ZSCAN25: variants seen among roughly 807,000 people sequenced by gnomAD.
ZSCAN25 encodes the protein zinc finger and SCAN domain containing 25.
A neutral mutation model predicts 38.7 loss-of-function variants in ZSCAN25; 27 were observed. The ratio of observed to expected loss-of-function variants is 0.70; its 90% CI spans 0.51 to 0.96. The LOEUF (loss-of-function observed/expected upper bound fraction) is 0.96. Among genes scored for constraint, ZSCAN25 ranks in the 40% least tolerant of loss-of-function variants. ZSCAN25 has a pLI of 0.00. For synonymous variants in ZSCAN25, 273 were observed against 277.7 expected (o/e 0.98, Z 0.17); for missense variants, 637 against 705.9 (o/e 0.90, Z 1.11).
At chr7:99,637,792 T>C in the ZSCAN25 span, among the ~76,000 whole-genome samples, 1 of 152,154 alleles carries the variant, frequency 6.6e-6, no homozygotes, top group African/African-American at 2.4e-5. Context: ...GCAATAATTT[T>C]CAGTTTACTA....
At chr7:99,715,866 A>T in the ZSCAN25 span, 6 of 1,613,890 alleles carry the variant, frequency 3.7e-6, no homozygotes, top group Non-Finnish European at 4.2e-6. Flanking sequence ...ACTCCAAATG[A>T]TGTGCTAGTG....
chr7:99,679,276 T>G, the ZSCAN25 span, among the ~76,000 whole-genome samples: 15 of 152,196 alleles, frequency 9.9e-5, no homozygotes, highest in African/African-American at 3.6e-4. Flanking sequence ...AGGGGACAGC[T>G]TCCCATGAAG....
chr7:99,679,727 G>T, the ZSCAN25 span: 1 of 1,155,644 alleles, frequency 8.7e-7, no homozygotes, highest in Middle Eastern at 2.6e-4. Flanking sequence ...ACTTCTCCTT[G>T]AACATCTCTT....
chr7:99,711,007 C>T, the ZSCAN25 span: 1 of 1,545,228 alleles, frequency 6.5e-7, no homozygotes, highest in Non-Finnish European at 8.8e-7. Flanking sequence ...AATAGAAAAG[C>T]AATTCAGAGT....
intron 5 of ZSCAN25, chr7:99,622,174 C>T (rs59293526): frequency 0.018 from 4,709 of 260,164 alleles, 222 homozygotes; most frequent in African/African-American, 0.1. Context: ...ATCTGTCCAC[C>T]TCAGCCTCCC....
the ZSCAN25 span, chr7:99,720,631 A>G: frequency 2.0e-6 from 1 of 492,270 alleles, no homozygotes; most frequent in Non-Finnish European, 3.7e-6. Flanking sequence ...TGGGCCAAAC[A>G]GGGAAGAGAG....
the ZSCAN25 span, among the ~76,000 whole-genome samples, chr7:99,728,927 G>A: frequency 3.9e-5 from 6 of 152,232 alleles, no homozygotes; most frequent in South Asian, 4.1e-4. Flanking sequence ...AGCCCTAGTC[G>A]TCCTCCAACA....
At chr7:99,636,425 A>G (rs544858212), downstream of ZSCAN25, among the ~76,000 whole-genome samples, 1 of 152,322 alleles carries the variant, frequency 6.6e-6, no homozygotes, top group African/African-American at 2.4e-5. Flanking sequence ...GTTTGTCAAG[A>G]GTTTTACTTT....
At chr7:99,676,455 TGA>T in the ZSCAN25 span, 1 of 1,442,276 alleles carries the variant, frequency 6.9e-7, no homozygotes, top group Non-Finnish European at 9.3e-7. Flanking sequence ...AATCCTGGAG[TGA>T]ATACTTGATA....
the ZSCAN25 span, among the ~76,000 whole-genome samples, chr7:99,641,195 C>G: frequency 6.6e-6 from 1 of 152,138 alleles, no homozygotes; most frequent in Non-Finnish European, 1.5e-5. Context: ...TTAATTGACT[C>G]AGTTCCTCAG....
the ZSCAN25 span, chr7:99,663,420 T>TA: frequency 7.1e-6 from 7 of 990,526 alleles, no homozygotes; most frequent in Admixed American, 1.2e-4. Flanking sequence ...GGCTGGCCTC[T>TA]AGGGCTCGTG....
chr7:99,725,882 C>T, the ZSCAN25 span, among the ~76,000 whole-genome samples: 1 of 152,186 alleles, frequency 6.6e-6, no homozygotes. Flanking sequence ...TTTTCAAGGG[C>T]CTGCTTCCCT....
At chr7:99,663,114 C>A in the ZSCAN25 span, 1 of 1,244,878 alleles carries the variant, frequency 8.0e-7, no homozygotes. Flanking sequence ...GCTTTTTCGC[C>A]TTTGCCCTCC....
chr7:99,714,262 A>G, the ZSCAN25 span, among the ~76,000 whole-genome samples: 2 of 152,220 alleles, frequency 1.3e-5, no homozygotes, highest in South Asian at 4.1e-4. Context: ...TTGACAATTT[A>G]TTGAAGGGAA....
At chr7:99,672,973 C>T in the ZSCAN25 span, 24 of 1,027,658 alleles carry the variant, frequency 2.3e-5, no homozygotes, top group East Asian at 9.9e-5. Context: ...GTAGAGCATT[C>T]GTTAAGCTGG....
At chr7:99,675,305 A>G in the ZSCAN25 span, among the ~76,000 whole-genome samples, 2 of 152,232 alleles carry the variant, frequency 1.3e-5, no homozygotes, top group Non-Finnish European at 2.9e-5. Context: ...TGTTTTAACC[A>G]TGCAAAAGAA....
chr7:99,672,727 CA>C, the ZSCAN25 span: 1 of 1,610,334 alleles, frequency 6.2e-7, no homozygotes, highest in South Asian at 1.1e-5. Flanking sequence ...CCCGATTCTG[CA>C]GCTGGAGCCA....
At chr7:99,682,468 T>G in the ZSCAN25 span, among the ~76,000 whole-genome samples, 1 of 152,248 alleles carries the variant, frequency 6.6e-6, no homozygotes, top group South Asian at 2.1e-4. Flanking sequence ...GGTTCTCTAT[T>G]CTATTTCATT....
At chr7:99,710,848 A>C in the ZSCAN25 span, 1 of 1,613,814 alleles carries the variant, frequency 6.2e-7, no homozygotes, top group Non-Finnish European at 8.5e-7. Flanking sequence ...TAGCCAGCAA[A>C]AATAAAGATA....
Sources: gnomAD v4.1 joint callset for allele counts (sites outside exome capture counted in the v4.1 genomes callset) on GRCh38, gnomAD v4.1.1 for gene constraint, MANE v1.5 for transcripts, NCBI Gene and HGNC (gene_info 2026-07-23, HGNC 2026-07-21) for gene names.